ZCCHC14: variants seen among roughly 807,000 people sequenced by gnomAD.
The protein encoded by ZCCHC14 is zinc finger CCHC domain-containing protein 14.
ZCCHC14 carries 16 observed loss-of-function variants against 85.0 expected under a neutral mutation model. The observed-to-expected ratio is 0.19, with a 90% CI of 0.13 to 0.29. The LOEUF is 0.29. Among genes scored for constraint, ZCCHC14 ranks in the 10% least tolerant of loss-of-function variants. The pLI is 1.00. For missense variants in ZCCHC14, 1,303 were observed against 1,443.5 expected, an observed-to-expected ratio of 0.90 and a Z score of 1.58; for synonymous variants, 775 against 630.7, an observed-to-expected ratio of 1.23 and a Z score of -3.43.
At chr16:87,450,505 GTTC>G (rs922493864) in intron 2 of ZCCHC14, among the ~76,000 whole-genome samples, 1 of 150,030 alleles carries the variant, frequency 6.7e-6, no homozygotes, top group Non-Finnish European at 1.5e-5. Context: ...TCATTTGTTA[GTTC>G]TTCACAAAGA....
At position 87,412,755 on chromosome 16, in the gene ZCCHC14, C is replaced by G; in HGVS notation, c.1966G>C (p.Gly656Arg). ...GAGAGGAGCTTCATGTCCGCGCTCCCTCTTTCCGGCTTGTGCACGGAATTC... is the reference window on the plus strand; with the variant it reads ...GAGAGGAGCTTCATGTCCGCGCTCCGTCTTTCCGGCTTGTGCACGGAATTC... ...MLNSVHKPERGSADMKLLSSS... is the reference protein window; with the variant it reads ...MLNSVHKPERRSADMKLLSSS... Residue 656 changes from glycine (G) to arginine (R), a missense_variant, in exon 12 of 13, where the codon GGG becomes CGG. This residue lies in a region of ZCCHC14 where 797 missense variants were observed against 730.8 expected (regional missense o/e 1.09). Coordinates refer to ENST00000671377, the MANE Select transcript of ZCCHC14 (RefSeq NM_015144.3). The G allele has an allele frequency of 6.2e-7, 1 of 1,614,186 alleles. No individual in the cohort carries two copies. The highest frequency in any genetic ancestry group is 8.5e-7 in the Non-Finnish European group (1 of 1,180,018).
At chr16:87,422,903 C>A (rs1174238238) in intron 4 of ZCCHC14, among the ~76,000 whole-genome samples, 1 of 139,294 alleles carries the variant, frequency 7.2e-6, no homozygotes, top group Non-Finnish European at 1.5e-5. Flanking sequence ...AAAGCAGATT[C>A]CCGGGGGGGG....
intron 2 of ZCCHC14, 136 bp downstream of exon 2, chr16:87,459,872 T>C (rs764988170): frequency 1.3e-5 from 18 of 1,379,514 alleles, no homozygotes; most frequent in Admixed American, 6.5e-5. Flanking sequence ...GTATTGCTTA[T>C]AGAATTTAGA....
At chr16:87,472,483 A>G (rs1205473816) in intron 1 of ZCCHC14, 1 of 152,424 alleles carries the variant, frequency 6.6e-6, no homozygotes, top group Non-Finnish European at 1.5e-5. Flanking sequence ...GGCCCCACAG[A>G]GCAGACCACC....
At position 87,443,166 on chromosome 16, in the gene ZCCHC14, C is replaced by T. The variant is rs534578257; in HGVS notation, c.695-9965G>A. 3.3e-5 allele frequency among the ~76,000 whole-genome samples: 5 copies of T among 152,196 alleles called. 1 individual carries two copies. Among genetic ancestry groups the T allele is most frequent in the South Asian group, 4.1e-4 (2 of 4,828 alleles). On this transcript the variant is annotated intron_variant, in intron 2 of 12. Coordinates refer to ENST00000671377, the MANE Select transcript of ZCCHC14 (RefSeq NM_015144.3). ...CATTAACGCGGTCCCAAGCAGCTTT[C>T]GATGCCTGCGGATAGAATTCCTAAG...
intron 2 of ZCCHC14, among the ~76,000 whole-genome samples, chr16:87,441,196 G>C (rs1910168173): frequency 6.6e-6 from 1 of 151,712 alleles, no homozygotes; most frequent in Non-Finnish European, 1.5e-5. Context: ...GTTTCACCGT[G>C]TTAGCCAGGA....
At chr16:87,444,260 A>G (rs1207798643) in intron 2 of ZCCHC14, among the ~76,000 whole-genome samples, 1 of 152,172 alleles carries the variant, frequency 6.6e-6, no homozygotes, top group Non-Finnish European at 1.5e-5. Flanking sequence ...AGTGTTGAAC[A>G]TCTTGTTATG....
intron 9 of ZCCHC14, among the ~76,000 whole-genome samples, chr16:87,415,017 G>A (rs944955453): frequency 1.3e-5 from 2 of 152,256 alleles, no homozygotes; most frequent in Admixed American, 1.3e-4. Flanking sequence ...GAGAGGCAGA[G>A]GTTGCAGTGA....
intron 1 of ZCCHC14, among the ~76,000 whole-genome samples, chr16:87,469,398 G>A (rs1411504907): frequency 2.6e-5 from 4 of 152,236 alleles, no homozygotes; most frequent in Non-Finnish European, 5.9e-5. Context: ...GCAGAATCAA[G>A]TGCAGACTTT....
At chr16:87,458,470 G>A (rs936660053) in intron 2 of ZCCHC14, among the ~76,000 whole-genome samples, 1 of 152,180 alleles carries the variant, frequency 6.6e-6, no homozygotes, top group Non-Finnish European at 1.5e-5. Context: ...TGCTACGAGG[G>A]TCAAGTGGGG....
chr16:87,428,093 G>C (rs1005348247), intron 3 of ZCCHC14, among the ~76,000 whole-genome samples: 8 of 152,010 alleles, frequency 5.3e-5, no homozygotes, highest in African/African-American at 1.7e-4. Context: ...ATATTGGTTT[G>C]ATTTCCTCAG....
chr16:87,418,259 G>C (rs1908899027), intron 7 of ZCCHC14, among the ~76,000 whole-genome samples: 1 of 152,214 alleles, frequency 6.6e-6, no homozygotes, highest in South Asian at 2.1e-4. Context: ...AAACGCAGAA[G>C]GCTGGAAGGT....
chr16:87,441,365 C>A (rs1910176764), intron 2 of ZCCHC14, among the ~76,000 whole-genome samples: 2 of 152,212 alleles, frequency 1.3e-5, no homozygotes, highest in Admixed American at 6.5e-5. Context: ...TATGCTTCAT[C>A]TTTCCCGGTT....
intron 2 of ZCCHC14, among the ~76,000 whole-genome samples, chr16:87,440,812 T>C (rs915709101): frequency 6.6e-6 from 1 of 151,492 alleles, no homozygotes; most frequent in African/African-American, 2.4e-5. Flanking sequence ...GGTTTCGCCA[T>C]GTCACCCAGG....
intron 2 of ZCCHC14, 117 bp downstream of exon 2, chr16:87,459,891 C>T: frequency 6.8e-7 from 1 of 1,462,596 alleles, no homozygotes; most frequent in South Asian, 1.3e-5. Context: ...GAAAAATACA[C>T]ATAAGATTGG....
intron 4 of ZCCHC14, among the ~76,000 whole-genome samples, chr16:87,423,290 G>A (rs1437793441): frequency 1.3e-5 from 2 of 152,116 alleles, no homozygotes; most frequent in Non-Finnish European, 2.9e-5. Context: ...AAACGTGGGA[G>A]GACCACTTGA....
rs1912767172 is a variant in ZCCHC14 at position 87,491,506 on chromosome 16, A to ATACGGGCTGGGGGCTCGTGG, written c.570+143_570+162dup. On this transcript the variant is annotated intron_variant, in intron 1 of 12. Transcript: ENST00000671377. The surrounding 1 kb of genome is among the most constrained non-coding windows in gnomAD (Gnocchi z 5.9). Reference sequence around the variant, plus strand: ...ATAGAGGCTTAGGATGGGGCTTGGGATACGGGCTGGGGGCTCGTGGTGCAG... The same window carrying ATACGGGCTGGGGGCTCGTGG: ...ATAGAGGCTTAGGATGGGGCTTGGGATACGGGCTGGGGGCTCGTGGTACGGGCTGGGGGCTCGTGGTGCAG... 1.3e-5 allele frequency among the ~76,000 whole-genome samples: 2 copies of ATACGGGCTGGGGGCTCGTGG among 151,200 alleles called. No homozygotes were observed. The highest frequency in any genetic ancestry group is 2.9e-5 in the Non-Finnish European group (2 of 67,826).
In ZCCHC14 at chr16:87,419,746, T is replaced by A. The variant is rs1377438087; in HGVS notation, c.1045+37A>T. ...CCACTGCGCCCAGCTGTTTTTTTTT[T>A]TTTTAATTTATATTTAACCATATTT... On this transcript the variant is annotated intron_variant, in intron 6 of 12. Transcript: ENST00000671377. 2.0e-6 allele frequency: 3 copies of A among 1,525,666 alleles called. No homozygotes were observed. The South Asian group carries it at 3.8e-5, about 19-fold the overall frequency. The allele number at this position is 1,525,666 out of a possible 1,614,324, so 94.5% of individuals were successfully genotyped here.
chr16:87,425,500 C>G (rs955365399), intron 3 of ZCCHC14, among the ~76,000 whole-genome samples: 2 of 151,496 alleles, frequency 1.3e-5, no homozygotes, highest in Non-Finnish European at 1.5e-5. Flanking sequence ...TGCTTGAACC[C>G]GGGAGGGGGA....
Sources: allele counts gnomAD v4.1 joint callset (sites outside exome capture counted in the v4.1 genomes callset), GRCh38; gene constraint gnomAD v4.1.1; regional missense constraint gnomAD v4.1.1; non-coding constraint Gnocchi (gnomAD v3.1); transcripts MANE v1.5; gene names NCBI Gene and HGNC (gene_info 2026-07-23, HGNC 2026-07-21).